The following SHANK2 variants were observed in gnomAD, a reference collection of about 807,000 sequenced individuals.
The protein encoded by SHANK2 is SH3 and multiple ankyrin repeat domains protein 2.
SHANK2 carries 43 observed loss-of-function variants against 133.7 expected under a neutral mutation model. The observed-to-expected ratio is 0.32, with a 90% CI of 0.25 to 0.41. SHANK2 has a LOEUF of 0.41. Ranked by LOEUF, SHANK2 falls within the 10% of genes least tolerant of loss-of-function variation. SHANK2 has a pLI of 1.00. For missense variants in SHANK2, 1,994 were observed against 2,235.8 expected (o/e 0.89, Z 2.18); for synonymous variants, 1,017 against 952.8 (o/e 1.07, Z -1.24).
intron 10 of SHANK2, chr11:70,952,679 G>A: frequency 3.1e-6 from 1 of 326,686 alleles, no homozygotes. Context: ...CGATTTTCAT[G>A]CAAAGGTGAG....
intron 11 of SHANK2, among the ~76,000 whole-genome samples, chr11:70,840,405 A>G (rs1004779503): frequency 6.6e-5 from 10 of 152,086 alleles, no homozygotes; most frequent in Admixed American, 3.9e-4. Flanking sequence ...GTTTCCCCAT[A>G]TATCAAAAGG....
chr11:70,791,384 C>A (rs1389190621), intron 14 of SHANK2, among the ~76,000 whole-genome samples: 5 of 152,216 alleles, frequency 3.3e-5, no homozygotes, highest in Non-Finnish European at 4.4e-5. Flanking sequence ...TTCCAAGATG[C>A]ATCTCCTCTT....
chr11:70,894,357 T>G (rs192597047), intron 11 of SHANK2, among the ~76,000 whole-genome samples: 361 of 152,166 alleles, frequency 2.4e-3, no homozygotes, highest in Admixed American at 5.4e-3. Context: ...CCAGCTAATT[T>G]TTGTATTTTT....
At chr11:70,857,827 C>T (rs78556117) in intron 11 of SHANK2, among the ~76,000 whole-genome samples, 39 of 152,334 alleles carry the variant, frequency 2.6e-4, no homozygotes, top group African/African-American at 8.4e-4. Flanking sequence ...CAGATCACAG[C>T]GATGGGGCAC....
rs150183643 is a variant in SHANK2, at chr11:70,611,278, G to C, written c.2061+48550C>G. Among the ~76,000 whole-genome samples, 1,005 of 152,352 alleles carry C rather than the reference G, an allele frequency of 6.6e-3. 30 individuals are homozygous for C. Among genetic ancestry groups the C allele is most frequent in the Admixed American group, 0.056 (851 of 15,306 alleles). The stretch of plus-strand genomic sequence containing the variant: ...GGGGAGTTTATCAGTGTTGCAAAGG[G>C]CATGTTCACGGACACCTATTGGTGT... On this transcript the variant is annotated intron_variant, in intron 17 of 25. Transcript: ENST00000601538.
chr11:70,695,954 A>G (rs1276143029), intron 15 of SHANK2, among the ~76,000 whole-genome samples: 1 of 152,240 alleles, frequency 6.6e-6, no homozygotes, highest in African/African-American at 2.4e-5. Flanking sequence ...AGAAGCTACC[A>G]GTTGACCCCA....
intron 8 of SHANK2, among the ~76,000 whole-genome samples, chr11:71,088,866 T>G (rs1378647211): frequency 3.1e-5 from 4 of 128,792 alleles, no homozygotes; most frequent in African/African-American, 6.1e-5. Context: ...ACCAGAGGCC[T>G]CCCCTCGTCC....
intron 14 of SHANK2, among the ~76,000 whole-genome samples, chr11:70,709,913 G>A (rs890811539): frequency 2.2e-4 from 34 of 152,204 alleles, no homozygotes; most frequent in Admixed American, 4.6e-4. Context: ...GGATGTCCTC[G>A]GAGCTGAGTC....
intron 14 of SHANK2, among the ~76,000 whole-genome samples, chr11:70,763,582 G>T (rs1033846221): frequency 1.2e-4 from 18 of 152,176 alleles, no homozygotes; most frequent in African/African-American, 4.3e-4. Flanking sequence ...CTCATGAAGG[G>T]GCTGAGGGCC....
intron 1 of SHANK2, chr11:71,240,794 A>C (rs1232671241): frequency 6.6e-6 from 1 of 151,764 alleles, no homozygotes; most frequent in African/African-American, 2.4e-5. Flanking sequence ...GGTGGTGTGC[A>C]CCTGTAGTCT....
intron 3 of SHANK2, among the ~76,000 whole-genome samples, chr11:71,134,011 A>C (rs1952386414): frequency 6.7e-6 from 1 of 149,400 alleles, no homozygotes; most frequent in South Asian, 2.1e-4. Context: ...CTGGGATTAC[A>C]GTTGTGCACC....
At chr11:70,626,016 C>T (rs117676963) in intron 17 of SHANK2, among the ~76,000 whole-genome samples, 3 of 152,140 alleles carry the variant, frequency 2.0e-5, no homozygotes, top group East Asian at 1.9e-4. Context: ...GGGGCCTCCC[C>T]GCCTCCAGTT....
intron 10 of SHANK2, among the ~76,000 whole-genome samples, chr11:70,922,388 A>G (rs1950364704): frequency 6.6e-6 from 1 of 152,220 alleles, no homozygotes; most frequent in South Asian, 2.1e-4. Context: ...ATGTAAAACC[A>G]CAGACTCAAA....
At chr11:70,941,969 G>A (rs1330732491) in intron 10 of SHANK2, among the ~76,000 whole-genome samples, 1 of 152,054 alleles carries the variant, frequency 6.6e-6, no homozygotes, top group East Asian at 1.9e-4. Flanking sequence ...CAAGGTGGAT[G>A]GATCACGAGG....
chr11:71,218,090 T>C (rs1000192560), intron 2 of SHANK2, among the ~76,000 whole-genome samples: 3 of 152,080 alleles, frequency 2.0e-5, no homozygotes, highest in Non-Finnish European at 4.4e-5. Context: ...TACCTTGTGA[T>C]TCGCCTCCTT....
At chr11:71,134,877 T>A (rs1317434583) in intron 3 of SHANK2, among the ~76,000 whole-genome samples, 2 of 151,988 alleles carry the variant, frequency 1.3e-5, no homozygotes, top group African/African-American at 4.8e-5. Flanking sequence ...GGAGCCCCCA[T>A]CTCTTCTAAT....
intron 6 of SHANK2, among the ~76,000 whole-genome samples, chr11:71,095,652 C>T (rs1334329817): frequency 1.3e-5 from 2 of 152,242 alleles, no homozygotes; most frequent in African/African-American, 4.8e-5. Flanking sequence ...ATCCCATCCC[C>T]CTCCATCCCA....
At chr11:71,164,807 T>C (rs1411442554) in intron 2 of SHANK2, among the ~76,000 whole-genome samples, 1 of 152,182 alleles carries the variant, frequency 6.6e-6, no homozygotes, top group African/African-American at 2.4e-5. Flanking sequence ...CATCTATCTG[T>C]TGGGGGCCTA....
intron 17 of SHANK2, among the ~76,000 whole-genome samples, chr11:70,577,398 GACC>G (rs1206274005): frequency 6.6e-6 from 1 of 152,212 alleles, no homozygotes; most frequent in Non-Finnish European, 1.5e-5. Flanking sequence ...GGCACCCACG[GACC>G]ACGAGACATC....
Sources: gnomAD v4.1 joint callset for allele counts (sites outside exome capture counted in the v4.1 genomes callset) on GRCh38, gnomAD v4.1.1 for gene constraint, MANE v1.5 for transcripts, NCBI Gene and HGNC (gene_info 2026-07-23, HGNC 2026-07-21) for gene names.